Variants in SNIP1 observed in about 807,000 individuals in gnomAD.
The protein encoded by SNIP1 is Smad nuclear interacting protein 1, also known as smad nuclear-interacting protein 1.
In SNIP1, 23 loss-of-function variants were observed where a neutral mutation model predicts 37.4. The ratio of observed to expected loss-of-function variants is 0.61; its 90% CI spans 0.44 to 0.87. SNIP1 has a LOEUF of 0.87. SNIP1 is among the 40% of genes least tolerant of loss of function. The pLI, the probability that SNIP1 is intolerant of heterozygous loss-of-function variation, is 0.00. For synonymous variants in SNIP1, 174 were observed against 200.0 expected (o/e 0.87, Z 1.10); for missense variants, 459 against 540.4 (o/e 0.85, Z 1.49).
chr1:37,538,529 A>G (rs1022863466), intron 3 of SNIP1, among the ~76,000 whole-genome samples: 2 of 150,558 alleles, frequency 1.3e-5, no homozygotes, highest in African/African-American at 4.9e-5. Context: ...AAAAAAAAAA[A>G]GGTGAGAATG....
In SNIP1 at chr1:37,540,864, T is replaced by C. The variant is rs944119238; in HGVS notation, c.328-109A>G. 9.2e-6 allele frequency: 10 copies of C among 1,090,340 alleles called. No individual in the cohort carries two copies. In the South Asian group the frequency reaches 1.6e-4, roughly 18 times the overall value. 67.5% of individuals were successfully genotyped at this position (1,090,340 alleles called of 1,614,324 possible). The stretch of plus-strand genomic sequence containing the variant: ...ATGCAAAAAGTCTTGTAATTTGGAC[T>C]TTGGCATTTAGAACAACATTTCCCA... On this transcript the variant is annotated intron_variant, in intron 2 of 3. Coordinates refer to ENST00000296215, the MANE Select transcript of SNIP1 (RefSeq NM_024700.4). This position sits in a 1 kb window ranked among gnomAD's most constrained non-coding sequence, Gnocchi z 5.6.
At chr1:37,552,777 T>C in intron 1 of SNIP1, 30 bp from the exon 2 acceptor site, 1 of 1,576,356 alleles carries the variant, frequency 6.3e-7, no homozygotes. Context: ...CAGGATTTTA[T>C]CGCAATTTCC....
chr1:37,549,693 T>C (rs1643280307), intron 2 of SNIP1, among the ~76,000 whole-genome samples: 1 of 152,184 alleles, frequency 6.6e-6, no homozygotes, highest in Admixed American at 6.5e-5. Flanking sequence ...ATTACAGGCA[T>C]GAGTCGCTGT....
In SNIP1 at chr1:37,554,236, A is replaced by G; in HGVS notation, c.-7T>C. 4 of 1,588,836 alleles carry G rather than the reference A, an allele frequency of 2.5e-6. No homozygotes were observed. The highest frequency in any genetic ancestry group is 3.4e-6 in the Non-Finnish European group (4 of 1,165,076). ...CGCTCTTCACCGCCTTCATTCTGTG[A>G]TTTTGGCTGGGCGAAAGAAAACAGA... On this transcript the variant is annotated 5_prime_UTR_variant, in exon 1 of 4. Transcript: ENST00000296215.
At position 37,552,641 on chromosome 1, in the gene SNIP1, T is replaced by A; in HGVS notation, c.327+4A>T. 6.2e-7 allele frequency: 1 copy of A among 1,613,298 alleles called. No homozygotes were observed. The highest frequency in any genetic ancestry group is 8.5e-7 in the Non-Finnish European group (1 of 1,179,254). ...GACCCATCAAAACACCCCAATCCAC[T>A]TACCTGCTTCACTTTGACTGTTGAG... is the stretch of plus-strand genomic sequence containing the variant. On this transcript the variant is annotated splice_donor_region_variant and intron_variant, in intron 2 of 3. Coordinates refer to ENST00000296215, the MANE Select transcript of SNIP1 (RefSeq NM_024700.4).
At chr1:37,538,188 A>C (rs1643122216) in intron 3 of SNIP1, among the ~76,000 whole-genome samples, 176 bp from the exon 4 acceptor site, 1 of 152,152 alleles carries the variant, frequency 6.6e-6, no homozygotes, top group South Asian at 2.1e-4. Context: ...CTGGGAAGGA[A>C]AATTGGAAGT....
At chr1:37,553,883 G>A (rs756496381) in intron 1 of SNIP1, 123 bp downstream of exon 1, 19 of 953,296 alleles carry the variant, frequency 2.0e-5, no homozygotes, top group Non-Finnish European at 2.9e-5. Flanking sequence ...ACTCTCAACA[G>A]CCCCTCAGGA....
In SNIP1 at chr1:37,538,004, T is replaced by C; in HGVS notation, c.935A>G (p.Glu312Gly). 1 of 1,599,220 alleles carries C rather than the reference T, an allele frequency of 6.3e-7. No individual in the cohort carries two copies. Among genetic ancestry groups the C allele is most frequent in the African/African-American group, 1.3e-5 (1 of 74,202 alleles). The change falls in exon 4 of 4, where the codon GAA becomes GGA. Residue 312 changes from glutamate (E) to glycine (G), a missense_variant. By Grantham distance (98) the Glu-to-Gly change is moderately conservative. Transcript: ENST00000296215. ...QHAVFQYRLV[E>G]YTRADGTVGR... ...AACTGTGCCATCAGCACGGGTATAT[T>C]CCACAAGCCTAGCAGAAAAAAAGGA...
Position 37,540,237 on chromosome 1 carries a change from T to C in SNIP1, c.846A>G (p.Leu282=). The change falls in exon 3 of 4, where the codon CTA becomes CTG. Residue 282 remains leucine (L), a synonymous_variant. Coordinates refer to ENST00000296215, the MANE Select transcript of SNIP1 (RefSeq NM_024700.4). This position sits in a 1 kb window ranked among gnomAD's most constrained non-coding sequence, Gnocchi z 5.6. ...CTGCAATGCGGCGGTGTCGACCCAG[T>C]AGGTACGCACTCTGTCGATGTATGT... ...VMYIHRQSAY[L]LGRHRRIADI... The C allele has an allele frequency of 6.2e-7, 1 of 1,613,346 alleles. No homozygotes were observed. The highest frequency in any genetic ancestry group is 1.1e-5 in the South Asian group (1 of 91,078).
At position 37,537,085 on chromosome 1, in the gene SNIP1, C is replaced by T. The variant is rs1643107477; in HGVS notation, c.*663G>A. On this transcript the variant is annotated 3_prime_UTR_variant, in exon 4 of 4. Coordinates refer to ENST00000296215, the MANE Select transcript of SNIP1 (RefSeq NM_024700.4). The stretch of plus-strand genomic sequence containing the variant: ...ACTTGTGATGCTGAATCAGCACCCA[C>T]TGGTAGCAACCAGGATCCTTCTGTA... 1 of 152,476 alleles carries T rather than the reference C, an allele frequency of 6.6e-6. No individual in the cohort carries two copies. The allele number at this position is 152,476 out of a possible 1,614,324, so 9.4% of individuals were successfully genotyped here. A position where few individuals can be genotyped will look rare whatever the true frequency, so the allele number is the denominator to read the frequency against.
intron 2 of SNIP1, among the ~76,000 whole-genome samples, chr1:37,547,267 G>A (rs1557627458): frequency 1.3e-5 from 2 of 152,192 alleles, no homozygotes; most frequent in South Asian, 2.1e-4. Flanking sequence ...GCCATGTGAT[G>A]ATGGACAGAG....
chr1:37,542,854 A>G (rs1437396375), intron 2 of SNIP1, among the ~76,000 whole-genome samples: 2 of 152,160 alleles, frequency 1.3e-5, no homozygotes, highest in African/African-American at 2.4e-5. Context: ...AAGGCAGGAG[A>G]ACTGCTTAAG....
intron 2 of SNIP1, among the ~76,000 whole-genome samples, chr1:37,549,632 G>A (rs750312440): frequency 1.3e-5 from 2 of 152,070 alleles, no homozygotes; most frequent in Non-Finnish European, 2.9e-5. Context: ...GGCTGGTCTG[G>A]AGCTCCTGAG....
chr1:37,542,800 G>A lies in SNIP1; in HGVS notation c.328-2045C>T, dbSNP rs149460188. Reference sequence around the variant, plus strand: ...CAGAAGAAATAAATGTCCAAGGGCCGGGCACAGTGGGTCACGCCTGTAATC... The same window carrying A: ...CAGAAGAAATAAATGTCCAAGGGCCAGGCACAGTGGGTCACGCCTGTAATC... On this transcript the variant is annotated intron_variant, in intron 2 of 3. Coordinates refer to ENST00000296215, the MANE Select transcript of SNIP1 (RefSeq NM_024700.4). Among the ~76,000 whole-genome samples the A allele has an allele frequency of 6.6e-5, 10 of 152,064 alleles. No homozygotes were observed. The East Asian group carries it at 9.6e-4, about 15-fold the overall frequency.
At chr1:37,550,406 GA>G (rs1643286973) in intron 2 of SNIP1, among the ~76,000 whole-genome samples, 1 of 152,138 alleles carries the variant, frequency 6.6e-6, no homozygotes. Context: ...AATAGTATTA[GA>G]AAACAGGCAA....
rs1357313648 is a variant in SNIP1 at position 37,536,489 on chromosome 1, T to A, written c.*1259A>T. 1 of 152,472 alleles carries A rather than the reference T, an allele frequency of 6.6e-6. No individual in the cohort carries two copies. Among genetic ancestry groups the A allele is most frequent in the Non-Finnish European group, 1.5e-5 (1 of 68,038 alleles). The allele number at this position is 152,472 out of a possible 1,614,324, so 9.4% of individuals were successfully genotyped here. ...AGGCTCCATTAGCAGCAAACAGACCTATGAACACAAGGTCCTCTACGCTAG... is the reference window on the plus strand; with the variant it reads ...AGGCTCCATTAGCAGCAAACAGACCAATGAACACAAGGTCCTCTACGCTAG... On this transcript the variant is annotated 3_prime_UTR_variant, in exon 4 of 4. Coordinates refer to ENST00000296215, the MANE Select transcript of SNIP1 (RefSeq NM_024700.4).
At chr1:37,545,096 C>T (rs546816612) in intron 2 of SNIP1, 37 of 743,744 alleles carry the variant, frequency 5.0e-5, no homozygotes, top group South Asian at 4.8e-4. Context: ...TCAGTCACTA[C>T]TGGAACTGCA....
In SNIP1 at chr1:37,554,107, G is replaced by T. The variant is rs151226693; in HGVS notation, c.123C>A (p.Pro41=). 2 of 1,612,212 alleles carry T rather than the reference G, an allele frequency of 1.2e-6. No homozygotes were observed. Among genetic ancestry groups the T allele is most frequent in the Admixed American group, 1.7e-5 (1 of 59,942 alleles). ...CGGAGTGGTCCGGACGGCGGTGGGCGGGAGGTGCGACTTCTGGGCTGAGAC... is the reference window on the plus strand; with the variant it reads ...CGGAGTGGTCCGGACGGCGGTGGGCTGGAGGTGCGACTTCTGGGCTGAGAC... ...QERLSPEVAP[P]AHRRPDHSGG... Residue 41 remains proline, a synonymous_variant, in exon 1 of 4, where the codon CCC becomes CCA. Transcript: ENST00000296215.
At chr1:37,552,544 G>A in intron 2 of SNIP1, 101 bp downstream of exon 2, 1 of 970,836 alleles carries the variant, frequency 1.0e-6, no homozygotes, top group South Asian at 1.3e-5. Flanking sequence ...GAGCGTACGT[G>A]CACATGTGTG....
Sources: gnomAD v4.1 joint callset for allele counts (sites outside exome capture counted in the v4.1 genomes callset) on GRCh38, gnomAD v4.1.1 for gene constraint, Gnocchi (gnomAD v3.1) non-coding constraint, MANE v1.5 for transcripts, NCBI Gene and HGNC (gene_info 2026-07-23, HGNC 2026-07-21) for gene names.